The following IGF2BP3 variants were observed in gnomAD, a reference collection of about 807,000 sequenced individuals.
IGF2BP3 encodes the protein insulin like growth factor 2 mRNA binding protein 3.
IGF2BP3 carries 9 observed loss-of-function variants against 73.8 expected under a neutral mutation model. The observed-to-expected ratio is 0.12, with a 90% CI of 0.07 to 0.21. The LOEUF (loss-of-function observed/expected upper bound fraction) is 0.21, where lower values mean the gene tolerates loss of function less well. Ranked by LOEUF, IGF2BP3 falls within the 10% of genes least tolerant of loss-of-function variation. The pLI is 1.00. For synonymous variants in IGF2BP3, 258 were observed against 256.7 expected (o/e 1.01, Z -0.05); for missense variants, 542 against 714.0 (o/e 0.76, Z 2.75).
At chr7:23,450,271 T>C (rs1365568081) in intron 2 of IGF2BP3, among the ~76,000 whole-genome samples, 2 of 152,238 alleles carry the variant, frequency 1.3e-5, no homozygotes, top group Non-Finnish European at 2.9e-5. Flanking sequence ...CAAAAAGCAC[T>C]GTGCAGTTGT....
At chr7:23,423,871 G>C (rs1787421844) in intron 2 of IGF2BP3, among the ~76,000 whole-genome samples, 1 of 152,286 alleles carries the variant, frequency 6.6e-6, no homozygotes, top group East Asian at 1.9e-4. Context: ...TGTAATCCCA[G>C]CACTTTGGGA....
At chr7:23,384,409 C>T (rs1786016665) in intron 3 of IGF2BP3, among the ~76,000 whole-genome samples, 1 of 151,986 alleles carries the variant, frequency 6.6e-6, no homozygotes, top group Non-Finnish European at 1.5e-5. Context: ...CACTAAAAAC[C>T]ACTGATTTGT....
intron 3 of IGF2BP3, among the ~76,000 whole-genome samples, chr7:23,410,873 T>A (rs1017496182): frequency 2.0e-5 from 3 of 152,192 alleles, no homozygotes; most frequent in Non-Finnish European, 4.4e-5. Context: ...ACTTTCCAGC[T>A]GCATGATCCC....
chr7:23,340,686 G>A (rs751230925), intron 10 of IGF2BP3, among the ~76,000 whole-genome samples: 9 of 152,018 alleles, frequency 5.9e-5, no homozygotes, highest in South Asian at 2.1e-4. Flanking sequence ...TCCGATTATC[G>A]ATAATGCAAC....
intron 3 of IGF2BP3, among the ~76,000 whole-genome samples, chr7:23,381,062 T>G (rs1341348925): frequency 6.6e-6 from 1 of 152,212 alleles, no homozygotes; most frequent in Admixed American, 6.5e-5. Flanking sequence ...CAGACTCAAC[T>G]TCACAGCTGT....
intron 2 of IGF2BP3, among the ~76,000 whole-genome samples, chr7:23,419,784 C>T (rs999439255): frequency 6.6e-6 from 1 of 152,096 alleles, no homozygotes; most frequent in Non-Finnish European, 1.5e-5. Flanking sequence ...ACCTGGGAGG[C>T]GGAGGTTGCG....
intron 3 of IGF2BP3, among the ~76,000 whole-genome samples, chr7:23,371,176 CA>C (rs1429123523): frequency 1.3e-5 from 2 of 152,034 alleles, no homozygotes; most frequent in Admixed American, 6.6e-5. Flanking sequence ...CACACACACA[CA>C]CCCTTCCAAG....
rs1195488065 is a variant in IGF2BP3 at position 23,469,816 on chromosome 7, C to CA, written c.175+119dup. On this transcript the variant is annotated intron_variant, in intron 1 of 14. Transcript: ENST00000258729. This position sits in a 1 kb window ranked among gnomAD's most constrained non-coding sequence, Gnocchi z 6.1. ...CCCCACGCGCGTGGGTGTGGGCGCT[C>CA]AGGCCTCACCCCCGCTCCCCCAGCG... 83 of 512,226 alleles carry CA rather than the reference C, an allele frequency of 1.6e-4. No homozygotes were observed. The highest frequency in any genetic ancestry group is 5.8e-4 in the Middle Eastern group (1 of 1,734). 31.7% of individuals were successfully genotyped at this position (512,226 alleles called of 1,614,324 possible).
intron 10 of IGF2BP3, among the ~76,000 whole-genome samples, chr7:23,335,525 C>T (rs1346387465): frequency 6.6e-6 from 1 of 151,934 alleles, no homozygotes; most frequent in East Asian, 1.9e-4. Context: ...AATCCTCTTA[C>T]CTTGGCCTCC....
intron 10 of IGF2BP3, among the ~76,000 whole-genome samples, chr7:23,321,517 G>A (rs1308225635): frequency 6.6e-6 from 1 of 152,210 alleles, no homozygotes; most frequent in Non-Finnish European, 1.5e-5. Flanking sequence ...CCATTGCCCA[G>A]GCTTGCTTAG....
chr7:23,386,495 A>G (rs1389930223), intron 3 of IGF2BP3, among the ~76,000 whole-genome samples: 1 of 152,254 alleles, frequency 6.6e-6, no homozygotes, highest in African/African-American at 2.4e-5. Flanking sequence ...AGGAGCCCCC[A>G]ACAGCCAAAG....
chr7:23,368,379 G>GAAAGAA (rs1554321080), intron 3 of IGF2BP3, among the ~76,000 whole-genome samples: 6 of 149,736 alleles, frequency 4.0e-5, no homozygotes, highest in African/African-American at 9.9e-5. Flanking sequence ...AAGAAAGAAA[G>GAAAGAA]AAAGAAAAGA....
At chr7:23,423,666 G>A (rs931409667) in intron 2 of IGF2BP3, among the ~76,000 whole-genome samples, 7 of 151,930 alleles carry the variant, frequency 4.6e-5, no homozygotes, top group Non-Finnish European at 8.8e-5. Context: ...TGGTGGAGGG[G>A]GGGAAAGACT....
intron 2 of IGF2BP3, among the ~76,000 whole-genome samples, chr7:23,441,202 T>C (rs1787923645): frequency 6.6e-6 from 1 of 151,970 alleles, no homozygotes. Flanking sequence ...CATCTTAAGG[T>C]GGAAGGATCG....
chr7:23,382,339 G>A (rs1334668464), intron 3 of IGF2BP3, among the ~76,000 whole-genome samples: 3 of 151,590 alleles, frequency 2.0e-5, no homozygotes, highest in African/African-American at 7.3e-5. Flanking sequence ...AGCAACTCCT[G>A]CATCTTTCAG....
At chr7:23,400,388 C>T (rs1397816900) in intron 3 of IGF2BP3, among the ~76,000 whole-genome samples, 1 of 152,170 alleles carries the variant, frequency 6.6e-6, no homozygotes, top group South Asian at 2.1e-4. Flanking sequence ...AGAGCCACAG[C>T]TGACCTTGTC....
At chr7:23,324,360 G>A (rs1288848094) in intron 10 of IGF2BP3, among the ~76,000 whole-genome samples, 4 of 151,904 alleles carry the variant, frequency 2.6e-5, no homozygotes, top group African/African-American at 4.8e-5. Context: ...ACCCTCCCAA[G>A]ACTAAGCCAG....
At chr7:23,380,410 G>T (rs984286935) in intron 3 of IGF2BP3, among the ~76,000 whole-genome samples, 1 of 151,868 alleles carries the variant, frequency 6.6e-6, no homozygotes, top group African/African-American at 2.4e-5. Context: ...TGATCCATCC[G>T]CTTCGGCCTC....
intron 10 of IGF2BP3, among the ~76,000 whole-genome samples, chr7:23,321,427 C>G (rs930746510): frequency 2.0e-5 from 3 of 152,244 alleles, no homozygotes; most frequent in East Asian, 1.9e-4. Context: ...GTCGTACGCC[C>G]ACGGAGTCTC....
Sources: allele counts gnomAD v4.1 joint callset (sites outside exome capture counted in the v4.1 genomes callset), GRCh38; gene constraint gnomAD v4.1.1; non-coding constraint Gnocchi (gnomAD v3.1); transcripts MANE v1.5; gene names NCBI Gene and HGNC (gene_info 2026-07-23, HGNC 2026-07-21).